Variants in SETBP1 observed in about 807,000 individuals in gnomAD.
SETBP1 encodes the protein SET-binding protein.
A neutral mutation model predicts 101.0 loss-of-function variants in SETBP1; 9 were observed. The observed-to-expected ratio is 0.09, with a 90% confidence interval of 0.05 to 0.16. The LOEUF (loss-of-function observed/expected upper bound fraction) is 0.16, where lower values mean the gene tolerates loss of function less well. SETBP1 is among the 10% of genes least tolerant of loss of function. SETBP1 has a pLI of 1.00. For missense variants in SETBP1, 1,858 were observed against 2,033.8 expected, an observed-to-expected ratio of 0.91 and a Z score of 1.66; for synonymous variants, 818 against 788.5, an observed-to-expected ratio of 1.04 and a Z score of -0.63.
chr18:44,925,931 AG>A (rs2070695585), intron 3 of SETBP1, among the ~76,000 whole-genome samples: 1 of 152,258 alleles, frequency 6.6e-6, no homozygotes, highest in African/African-American at 2.4e-5. Flanking sequence ...GTGAGTGAAA[AG>A]TAAAAAGCAG....
chr18:44,691,162 A>G (rs960660669), intron 1 of SETBP1, among the ~76,000 whole-genome samples: 5 of 152,166 alleles, frequency 3.3e-5, no homozygotes, highest in African/African-American at 4.8e-5. Context: ...CTTTGTAATC[A>G]TATATACCTC....
Position 44,695,742 on chromosome 18 carries a change from G to A in SETBP1, c.-172-5433G>A, listed in dbSNP as rs188436513. 6.6e-4 allele frequency among the ~76,000 whole-genome samples: 101 copies of A among 152,230 alleles called. 1 individual carries two copies. The highest frequency in any genetic ancestry group is 2.4e-3 in the Admixed American group (37 of 15,290). ...TGCCTTTAAGACCTGAGAGGTGCAC[G>A]TGTTGTTCATGTGTTTATTTTGTAA... is the stretch of plus-strand genomic sequence containing the variant. On this transcript the variant is annotated intron_variant, in intron 1 of 5. Transcript: ENST00000649279.
At chr18:45,047,137 C>G (rs771425887) in intron 5 of SETBP1, among the ~76,000 whole-genome samples, 2 of 152,104 alleles carry the variant, frequency 1.3e-5, no homozygotes, top group Non-Finnish European at 2.9e-5. Flanking sequence ...TATCTTCTTC[C>G]CAGTGATAGT....
chr18:44,962,791 C>A (rs549177947), intron 4 of SETBP1, among the ~76,000 whole-genome samples: 39 of 152,168 alleles, frequency 2.6e-4, no homozygotes, highest in Non-Finnish European at 4.4e-4. Context: ...GTCCCAAGAG[C>A]TGCCTCTGCT....
intron 3 of SETBP1, among the ~76,000 whole-genome samples, chr18:44,896,056 C>T (rs556647869): frequency 8.5e-5 from 13 of 152,106 alleles, no homozygotes; most frequent in East Asian, 3.9e-4. Flanking sequence ...GCCACAGCAG[C>T]GCTTCCTGGG....
chr18:44,826,988 C>A (rs1359364865), intron 2 of SETBP1, among the ~76,000 whole-genome samples: 1 of 152,188 alleles, frequency 6.6e-6, no homozygotes. Context: ...CCAATGCAGG[C>A]TAAGAATGCC....
chr18:44,919,017 C>G (rs559470551), intron 3 of SETBP1, among the ~76,000 whole-genome samples: 1 of 152,284 alleles, frequency 6.6e-6, no homozygotes, highest in African/African-American at 2.4e-5. Flanking sequence ...ATAGCTCGGC[C>G]CAGTGCCCTT....
chr18:44,773,378 G>A (rs1301427146), intron 2 of SETBP1, among the ~76,000 whole-genome samples: 1 of 152,104 alleles, frequency 6.6e-6, no homozygotes, highest in East Asian at 1.9e-4. Flanking sequence ...TGGCCCCAAA[G>A]GAATCATAGC....
At chr18:44,937,479 T>C (rs1048108452) in intron 3 of SETBP1, among the ~76,000 whole-genome samples, 1 of 135,376 alleles carries the variant, frequency 7.4e-6, no homozygotes, top group Non-Finnish European at 1.6e-5. Flanking sequence ...AAAAAAAAGA[T>C]AGGCACTACT....
At chr18:44,806,469 C>G (rs1197680960) in intron 2 of SETBP1, among the ~76,000 whole-genome samples, 2 of 151,944 alleles carry the variant, frequency 1.3e-5, no homozygotes, top group Admixed American at 1.3e-4. Context: ...TCTGCTATCA[C>G]AAAGATATCT....
chr18:45,028,153 C>A (rs2073209206), intron 4 of SETBP1, among the ~76,000 whole-genome samples: 2 of 114,480 alleles, frequency 1.7e-5, no homozygotes, highest in South Asian at 3.6e-4. Flanking sequence ...TAAAGCTATC[C>A]CTCCCCCTCC....
chr18:44,719,083 G>C (rs540122779), intron 2 of SETBP1, among the ~76,000 whole-genome samples: 1 of 152,266 alleles, frequency 6.6e-6, no homozygotes, highest in South Asian at 2.1e-4. Context: ...GGATGTCCTT[G>C]AAAGTCCCAG....
At chr18:44,906,187 C>T (rs2070171206) in intron 3 of SETBP1, among the ~76,000 whole-genome samples, 1 of 152,124 alleles carries the variant, frequency 6.6e-6, no homozygotes. Flanking sequence ...TCAGCTAAGT[C>T]CAGAACTGGT....
chr18:44,912,567 G>A (rs1389415234), intron 3 of SETBP1, among the ~76,000 whole-genome samples: 1 of 151,966 alleles, frequency 6.6e-6, no homozygotes, highest in Non-Finnish European at 1.5e-5. Flanking sequence ...ACAGGCACCT[G>A]CCACCATGCC....
chr18:45,032,038 T>G (rs988648966), intron 4 of SETBP1, among the ~76,000 whole-genome samples: 1 of 152,200 alleles, frequency 6.6e-6, no homozygotes, highest in Non-Finnish European at 1.5e-5. Flanking sequence ...GCCCTCCTTC[T>G]GCTTCTAGTT....
rs180884647 is a variant in SETBP1 at position 44,869,988 on chromosome 18, T to A, written c.540+705T>A. 546 of 159,596 alleles carry A rather than the reference T, an allele frequency of 3.4e-3. 2 individuals carry two copies. Among genetic ancestry groups the A allele is most frequent in the African/African-American group, 0.012 (493 of 41,568 alleles). 9.9% of individuals were successfully genotyped at this position (159,596 alleles called of 1,614,324 possible). ...CATAGAGCCTGGTGTAGTTAGAACA[T>A]GTACATAAAGAAAGATCAATCCAAA... On this transcript the variant is annotated intron_variant, in intron 3 of 5. Coordinates refer to ENST00000649279, the MANE Select transcript of SETBP1 (RefSeq NM_015559.3).
chr18:44,756,330 A>G (rs540094571), intron 2 of SETBP1, among the ~76,000 whole-genome samples: 4 of 152,276 alleles, frequency 2.6e-5, no homozygotes, highest in Non-Finnish European at 4.4e-5. Context: ...GAGAAGTGCT[A>G]TGCGGTTTTT....
chr18:44,924,442 A>T (rs966296439), intron 3 of SETBP1, among the ~76,000 whole-genome samples: 90 of 152,180 alleles, frequency 5.9e-4, no homozygotes, highest in African/African-American at 1.9e-3. Context: ...CAAAATTAAG[A>T]ATAGTTGCAT....
Position 45,063,670 on chromosome 18 carries a change from G to A in SETBP1, c.4763G>A (p.Arg1588Gln). The change falls in exon 6 of 6, where the codon CGA (arginine) becomes CAA (glutamine). Residue 1588 changes from arginine to glutamine, a missense_variant. This residue lies in a region of SETBP1 where 178 missense variants were observed against 189.1 expected (regional missense o/e 0.94). Coordinates refer to ENST00000649279, the MANE Select transcript of SETBP1 (RefSeq NM_015559.3). ...EVKAKRQRKS[R>Q]GSESEVLP Reference sequence around the variant, plus strand: ...AAAGCCAAAAGGCAGAGGAAGTCCCGAGGGAGTGAGAGCGAGGTCCTTCCC... The same window carrying A: ...AAAGCCAAAAGGCAGAGGAAGTCCCAAGGGAGTGAGAGCGAGGTCCTTCCC... 1.2e-6 allele frequency: 2 copies of A among 1,608,580 alleles called. No homozygotes were observed. Among genetic ancestry groups the A allele is most frequent in the Non-Finnish European group, 1.7e-6 (2 of 1,177,984 alleles).
Sources: gnomAD v4.1 joint callset for allele counts (sites outside exome capture counted in the v4.1 genomes callset) on GRCh38, gnomAD v4.1.1 for gene constraint, gnomAD v4.1.1 regional missense constraint, MANE v1.5 for transcripts, NCBI Gene and HGNC (gene_info 2026-07-23, HGNC 2026-07-21) for gene names.